The following DCDC1 variants were observed in gnomAD, a reference collection of about 807,000 sequenced individuals.
DCDC1 encodes doublecortin domain containing 1.
DCDC1 carries 200 observed loss-of-function variants against 178.3 expected under a neutral mutation model. That is an observed-to-expected ratio of 1.12 (90% CI 1.00 to 1.26). The LOEUF is 1.26. Ranked by LOEUF, DCDC1 falls within the 50% of genes most tolerant of loss-of-function variation. The pLI, the probability that DCDC1 is intolerant of heterozygous loss-of-function variation, is 0.00. For synonymous variants in DCDC1, 690 were observed against 604.8 expected (o/e 1.14, Z -2.07); for missense variants, 1,983 against 1,749.2 (o/e 1.13, Z -2.38).
chr11:31,105,740 T>C (rs1293995848), intron 13 of DCDC1, among the ~76,000 whole-genome samples: 1 of 152,134 alleles, frequency 6.6e-6, no homozygotes, highest in Non-Finnish European at 1.5e-5. Context: ...GATCCACAAC[T>C]TATTCTAGCA....
chr11:31,075,894 C>A (rs184110306), intron 18 of DCDC1, among the ~76,000 whole-genome samples: 1 of 152,258 alleles, frequency 6.6e-6, no homozygotes, highest in East Asian at 1.9e-4. Flanking sequence ...TCTTGTTGCC[C>A]ATACTGGAGT....
At chr11:30,925,474 A>G in intron 22 of DCDC1, 66 bp from the exon 23 acceptor site, 1 of 1,414,252 alleles carries the variant, frequency 7.1e-7, no homozygotes, top group South Asian at 1.2e-5. Flanking sequence ...GAGAGAAAAT[A>G]AAAGAAATCT....
At chr11:31,087,372 A>T (rs1290218067) in intron 17 of DCDC1, among the ~76,000 whole-genome samples, 2 of 151,266 alleles carry the variant, frequency 1.3e-5, no homozygotes, top group Admixed American at 6.6e-5. Context: ...CTCTTTTATT[A>T]TCCCATTTCT....
chr11:31,332,320 C>A (rs1591786026), intron 2 of DCDC1, among the ~76,000 whole-genome samples: 1 of 152,090 alleles, frequency 6.6e-6, no homozygotes. Context: ...TTGATGTTTT[C>A]AAAAAACCAG....
chr11:31,097,469 T>A (rs957962202), intron 15 of DCDC1, among the ~76,000 whole-genome samples: 1 of 152,234 alleles, frequency 6.6e-6, no homozygotes, highest in African/African-American at 2.4e-5. Flanking sequence ...TACACATAAG[T>A]AAAAATCACA....
rs761612264 is a variant in DCDC1, at chr11:30,906,679, C to T, written c.3965G>A (p.Cys1322Tyr). Residue 1322 changes from cysteine to tyrosine, a missense_variant, in exon 30 of 39, where the codon TGC becomes TAC. Transcript: ENST00000684477. ...SPDGKRKTML[C>Y]LACGQSMRTE... is the part of the protein sequence containing the mutation. Reference sequence around the variant, plus strand: ...TCTCATGGATTGTCCACAAGCCAAGCAGAGCATAGTTTTTCTCTTTCCATC... The same window carrying T: ...TCTCATGGATTGTCCACAAGCCAAGTAGAGCATAGTTTTTCTCTTTCCATC... 19 of 1,613,486 alleles carry T rather than the reference C, an allele frequency of 1.2e-5. No individual in the cohort carries two copies. The Admixed American group carries it at 2.8e-4, about 24-fold the overall frequency.
chr11:30,884,048 T>TTTTTTTTTTTTTTTA (rs1565023355), intron 36 of DCDC1, among the ~76,000 whole-genome samples: 4 of 147,296 alleles, frequency 2.7e-5, no homozygotes, highest in African/African-American at 7.6e-5. Flanking sequence ...TTTTTTTTTT[T>TTTTTTTTTTTTTTTA]GAGACAGGGT....
intron 1 of DCDC1, among the ~76,000 whole-genome samples, chr11:31,351,357 G>C (rs902826228): frequency 6.6e-6 from 1 of 152,026 alleles, no homozygotes; most frequent in African/African-American, 2.4e-5. Flanking sequence ...CACTGTGGTG[G>C]TTGCCATAGT....
intron 9 of DCDC1, among the ~76,000 whole-genome samples, chr11:31,224,728 A>G (rs991240754): frequency 2.6e-5 from 4 of 152,178 alleles, no homozygotes; most frequent in Admixed American, 1.3e-4. Context: ...AAAGGAAGAT[A>G]TACAAACAGC....
Position 31,126,502 on chromosome 11 carries a change from A to C in DCDC1, c.1485+967T>G, listed in dbSNP as rs964273167. Among the ~76,000 whole-genome samples the C allele has an allele frequency of 5.9e-5, 9 of 152,206 alleles. 1 individual carries two copies. In the South Asian group the frequency reaches 1.9e-3, roughly 31 times the overall value. ...ATACACACGGGAATGTCATTAAAAG[A>C]AATGTTATTGGTCAAAAATATAATG... On this transcript the variant is annotated intron_variant, in intron 11 of 38. Transcript: ENST00000684477.
chr11:31,019,748 G>C (rs764450321), intron 20 of DCDC1, among the ~76,000 whole-genome samples: 1 of 152,074 alleles, frequency 6.6e-6, no homozygotes, highest in African/African-American at 2.4e-5. Context: ...TCCATGCTCA[G>C]CAGTATTGCT....
At chr11:31,109,040 T>C (rs757503253) in intron 12 of DCDC1, among the ~76,000 whole-genome samples, 2 of 152,152 alleles carry the variant, frequency 1.3e-5, no homozygotes, top group African/African-American at 4.8e-5. Context: ...CCCAGATTTA[T>C]TGCATACAGA....
intron 4 of DCDC1, 199 bp downstream of exon 4, chr11:31,307,440 G>A: frequency 1.6e-6 from 1 of 609,920 alleles, no homozygotes; most frequent in Non-Finnish European, 2.7e-6. Flanking sequence ...CCGGGTTGAA[G>A]TGTATCTCAT....
At chr11:30,880,129 A>G (rs967006443) in intron 37 of DCDC1, among the ~76,000 whole-genome samples, 1 of 152,198 alleles carries the variant, frequency 6.6e-6, no homozygotes, top group Non-Finnish European at 1.5e-5. Flanking sequence ...ATACTTACTG[A>G]TAATAAGAAC....
chr11:31,201,582 G>A (rs1463079569), intron 9 of DCDC1, among the ~76,000 whole-genome samples: 1 of 151,150 alleles, frequency 6.6e-6, no homozygotes, highest in Non-Finnish European at 1.5e-5. Context: ...TCCCACCTAT[G>A]GTTTCTAAAA....
intron 13 of DCDC1, 44 bp downstream of exon 13, chr11:31,106,753 C>G (rs764084422): frequency 7.9e-6 from 6 of 758,256 alleles, no homozygotes; most frequent in Admixed American, 7.1e-5. Flanking sequence ...AATTAGCTCT[C>G]CCCTGGAAAG....
At chr11:31,252,725 T>C (rs1031093611) in intron 8 of DCDC1, among the ~76,000 whole-genome samples, 1 of 152,050 alleles carries the variant, frequency 6.6e-6, no homozygotes, top group African/African-American at 2.4e-5. Flanking sequence ...TGATACATAT[T>C]CAAATATATG....
intron 9 of DCDC1, among the ~76,000 whole-genome samples, chr11:31,228,217 T>C (rs1975267356): frequency 6.6e-6 from 1 of 152,096 alleles, no homozygotes; most frequent in Non-Finnish European, 1.5e-5. Context: ...ATTAAAATTA[T>C]ACATAGTATG....
chr11:30,991,733 G>A (rs979345692), intron 20 of DCDC1, among the ~76,000 whole-genome samples: 5 of 151,978 alleles, frequency 3.3e-5, no homozygotes, highest in African/African-American at 1.2e-4. Flanking sequence ...ACCAAAATAA[G>A]TTTATTTATG....
Sources: allele counts gnomAD v4.1 joint callset (sites outside exome capture counted in the v4.1 genomes callset), GRCh38; gene constraint gnomAD v4.1.1; transcripts MANE v1.5; gene names NCBI Gene and HGNC (gene_info 2026-07-23, HGNC 2026-07-21).